Variants in MYLK observed in about 807,000 individuals in gnomAD.
The protein encoded by MYLK is myosin light chain kinase, smooth muscle.
In MYLK, 106 loss-of-function variants were observed where a neutral mutation model predicts 203.4. The ratio of observed to expected loss-of-function variants is 0.52; its 90% CI spans 0.45 to 0.61. The LOEUF is 0.61. MYLK is among the 20% of genes least tolerant of loss of function. The pLI, the probability that MYLK is intolerant of heterozygous loss-of-function variation, is 0.00. For missense variants in MYLK, 2,072 were observed against 2,442.3 expected, an observed-to-expected ratio of 0.85 and a Z score of 3.20; for synonymous variants, 867 against 959.5, an observed-to-expected ratio of 0.90 and a Z score of 1.78.
intron 4 of MYLK, among the ~76,000 whole-genome samples, chr3:123,753,661 G>C (rs181678506): frequency 2.0e-4 from 31 of 152,190 alleles, no homozygotes; most frequent in African/African-American, 7.2e-4. Flanking sequence ...AGTCCCCCAA[G>C]GGCCTTCAAA....
chr3:123,792,468 T>G (rs1481620949), intron 4 of MYLK, among the ~76,000 whole-genome samples: 1 of 152,174 alleles, frequency 6.6e-6, no homozygotes, highest in Non-Finnish European at 1.5e-5. Context: ...CAGCCCCTGG[T>G]GACCACCTTT....
chr3:123,629,353 G>C lies in MYLK; in HGVS notation c.5114+121C>G. 1 of 1,245,516 alleles carries C rather than the reference G, an allele frequency of 8.0e-7. No individual in the cohort carries two copies. The highest frequency in any genetic ancestry group is 1.1e-6 in the Non-Finnish European group (1 of 874,998). 77.2% of individuals were successfully genotyped at this position (1,245,516 alleles called of 1,614,324 possible). ...GCCCACCCTCCCTTCCTCAGGGAAT[G>C]CTAGGAACGACCCAAGGCGGGGTGG... On this transcript the variant is annotated intron_variant, in intron 30 of 33. Transcript: ENST00000360304. The surrounding 1 kb of genome is among the most constrained non-coding windows in gnomAD (Gnocchi z 4.4).
In MYLK at chr3:123,655,016, C is replaced by T. The variant is rs149683363; in HGVS notation, c.4288+2110G>A. ...TACAGGTGTGAGCCACCACGCCCGG[C>T]CTCTTATCCTAAATTTACAATGTCC... On this transcript the variant is annotated intron_variant, in intron 24 of 33. Coordinates refer to ENST00000360304, the MANE Select transcript of MYLK (RefSeq NM_053025.4). Among the ~76,000 whole-genome samples the T allele has an allele frequency of 4.9e-3, 743 of 152,264 alleles. 3 individuals carry two copies. The highest frequency in any genetic ancestry group is 0.018 in the African/African-American group (727 of 41,528).
chr3:123,722,167 A>G lies in MYLK; in HGVS notation c.1765T>C (p.Leu589=), dbSNP rs1383240101. ...CAGGCGCTGCAGGACACCTGCCCCA[A>G]GGCATTCTCAGCTAGGCAGGTGTAG... The part of the protein sequence containing the change: ...GTYTCLAENA[L]GQVSCSAWVT... Residue 589 remains leucine (L), a synonymous_variant, in exon 13 of 34, where the codon TTG becomes CTG. Coordinates refer to ENST00000360304, the MANE Select transcript of MYLK (RefSeq NM_053025.4). The G allele has an allele frequency of 6.4e-7, 1 of 1,564,784 alleles. No homozygotes were observed.
chr3:123,693,226 G>T (rs1356527433), intron 18 of MYLK, among the ~76,000 whole-genome samples: 2 of 152,198 alleles, frequency 1.3e-5, no homozygotes, highest in African/African-American at 4.8e-5. Context: ...AGAGAGAAAA[G>T]GAGTCCGACA....
chr3:123,855,660 T>A, intron 2 of MYLK, among the ~76,000 whole-genome samples: 1 of 151,826 alleles, frequency 6.6e-6, no homozygotes, highest in African/African-American at 2.4e-5. Context: ...ATACAAGAAA[T>A]TAAAAAAATA....
At chr3:123,788,466 G>C (rs1374044411) in intron 4 of MYLK, among the ~76,000 whole-genome samples, 2 of 149,052 alleles carry the variant, frequency 1.3e-5, no homozygotes, top group Non-Finnish European at 3.0e-5. Context: ...GTATACATGT[G>C]CCATGCTGGT....
intron 4 of MYLK, among the ~76,000 whole-genome samples, chr3:123,789,673 A>AG (rs1217858808): frequency 1.3e-5 from 2 of 150,850 alleles, no homozygotes; most frequent in Non-Finnish European, 3.0e-5. Flanking sequence ...AAAAAAAAAA[A>AG]AAAAAGAAGG....
chr3:123,718,293 C>A (rs1431554033), intron 13 of MYLK, among the ~76,000 whole-genome samples: 1 of 152,130 alleles, frequency 6.6e-6, no homozygotes, highest in Non-Finnish European at 1.5e-5. Context: ...CCTCTGTGCT[C>A]TCATCCATTC....
intron 22 of MYLK, 105 bp from the exon 23 acceptor site, chr3:123,664,363 A>C: frequency 6.7e-7 from 1 of 1,498,052 alleles, no homozygotes; most frequent in Non-Finnish European, 9.2e-7. Flanking sequence ...CAGCTGGACA[A>C]GCTGTGGGGG....
Position 123,620,309 on chromosome 3 carries a change from C to T in MYLK, c.5266G>A (p.Gly1756Arg). 1.2e-6 allele frequency: 2 copies of T among 1,614,122 alleles called. No individual in the cohort carries two copies. The change falls in exon 32 of 34, where the codon GGA (glycine) becomes AGA (arginine). Residue 1756 changes from glycine to arginine, a missense_variant. Around this residue, in one of 3 missense-constraint regions of MYLK, gnomAD observed 524 missense variants for 782.4 expected, o/e 0.67. Coordinates refer to ENST00000360304, the MANE Select transcript of MYLK (RefSeq NM_053025.4). Reference sequence around the variant, plus strand: ...ATCATTGCCATAGAGGACAGTCTTCCAATGGCTCTCACAGCATTGCCCGTT... The same window carrying T: ...ATCATTGCCATAGAGGACAGTCTTCTAATGGCTCTCACAGCATTGCCCGTT... ...QKTGNAVRAI[G>R]RLSSMAMISG...
intron 1 of MYLK, among the ~76,000 whole-genome samples, chr3:123,880,190 G>A (rs2033436150): frequency 1.3e-5 from 2 of 152,118 alleles, no homozygotes; most frequent in Non-Finnish European, 2.9e-5. Context: ...TAAAACCCAT[G>A]CCCAAGAACA....
At chr3:123,794,410 G>T (rs2064909179) in intron 3 of MYLK, among the ~76,000 whole-genome samples, 1 of 152,150 alleles carries the variant, frequency 6.6e-6, no homozygotes, top group African/African-American at 2.4e-5. Flanking sequence ...AAGGGAAGGA[G>T]GTAGGCATGG....
intron 3 of MYLK, among the ~76,000 whole-genome samples, chr3:123,799,016 G>A (rs2065093821): frequency 6.6e-6 from 1 of 152,140 alleles, no homozygotes; most frequent in East Asian, 1.9e-4. Context: ...CTCTAATGCA[G>A]AGCAATGCTC....
intron 3 of MYLK, among the ~76,000 whole-genome samples, chr3:123,813,817 C>T (rs986018771): frequency 9.9e-5 from 15 of 152,080 alleles, no homozygotes; most frequent in Admixed American, 2.0e-4. Context: ...GGACAATTCA[C>T]GGCCTCTTAA....
At chr3:123,705,973 C>T (rs1211312320) in intron 16 of MYLK, among the ~76,000 whole-genome samples, 2 of 152,122 alleles carry the variant, frequency 1.3e-5, no homozygotes, top group East Asian at 1.9e-4. Context: ...TAAGCGTGTA[C>T]CTTCTCCCCA....
In MYLK at chr3:123,640,529, G is replaced by T. The variant is rs1188914168; in HGVS notation, c.4620-25C>A. On this transcript the variant is annotated intron_variant, in intron 27 of 33. Coordinates refer to ENST00000360304, the MANE Select transcript of MYLK (RefSeq NM_053025.4). This position sits in a 1 kb window ranked among gnomAD's most constrained non-coding sequence, Gnocchi z 4.3. ...GCTGCGGGAACACGTGCACGGGGTG[G>T]TCAGGCCACAGGCTCATGGAGGCCA... The T allele has an allele frequency of 6.2e-7, 1 of 1,612,842 alleles. No homozygotes were observed. Among genetic ancestry groups the T allele is most frequent in the Non-Finnish European group, 8.5e-7 (1 of 1,179,662 alleles).
In MYLK at chr3:123,664,235, C is replaced by A. The variant is rs527326491; in HGVS notation, c.3855G>T (p.Lys1285Asn). The part of the protein sequence containing the change: ...RKQIQESEHM[K>N]VENSENGSKL... ...TGCTGCCATTCTCGCTGTTCTCCAC[C>A]TTCATGTGCTCGCTTTCCTGGATCT... The change falls in exon 23 of 34, where the codon AAG (lysine) becomes AAT (asparagine). Residue 1285 changes from lysine (K) to asparagine (N), a missense_variant. Around this residue, in one of 3 missense-constraint regions of MYLK, gnomAD observed 865 missense variants for 1,016.0 expected, o/e 0.85. Transcript: ENST00000360304. 2.6e-5 allele frequency: 42 copies of A among 1,614,214 alleles called. No individual in the cohort carries two copies. In the South Asian group the frequency reaches 4.0e-4, roughly 15 times the overall value.
chr3:123,755,047 C>T (rs2063320820), intron 4 of MYLK, among the ~76,000 whole-genome samples: 1 of 152,218 alleles, frequency 6.6e-6, no homozygotes, highest in Non-Finnish European at 1.5e-5. Flanking sequence ...AAACCCTTTC[C>T]TACAGAAGGT....
Sources: gnomAD v4.1 joint callset for allele counts (sites outside exome capture counted in the v4.1 genomes callset) on GRCh38, gnomAD v4.1.1 for gene constraint, gnomAD v4.1.1 regional missense constraint, Gnocchi (gnomAD v3.1) non-coding constraint, MANE v1.5 for transcripts, NCBI Gene and HGNC (gene_info 2026-07-23, HGNC 2026-07-21) for gene names.